ZPBP2: variants seen among roughly 807,000 people sequenced by gnomAD.
ZPBP2 encodes zona pellucida binding protein 2, also known as zona pellucida-binding protein 2.
Under a neutral mutation model 37.5 loss-of-function variants are expected in ZPBP2, and 34 were observed. The ratio of observed to expected loss-of-function variants is 0.91; its 90% CI spans 0.69 to 1.21. The LOEUF is 1.21. Among genes scored for constraint, ZPBP2 ranks in the 50% most tolerant of loss-of-function variants. ZPBP2 has a pLI of 0.00. For missense variants in ZPBP2, 397 were observed against 413.5 expected (o/e 0.96, Z 0.35); for synonymous variants, 143 against 138.4 (o/e 1.03, Z -0.23).
intron 6 of ZPBP2, among the ~76,000 whole-genome samples, chr17:39,874,545 C>T (rs2063380308): frequency 6.6e-6 from 1 of 151,958 alleles, no homozygotes; most frequent in Non-Finnish European, 1.5e-5. Context: ...GATTCTTGTG[C>T]CTCAGCTTCC....
At chr17:39,872,141 CGTT>C (rs1199316195) in intron 4 of ZPBP2, 126 bp from the exon 5 acceptor site, 4 of 633,458 alleles carry the variant, frequency 6.3e-6, no homozygotes, top group Non-Finnish European at 2.6e-6. Flanking sequence ...ACTGATAAAA[CGTT>C]ATGTTTCTAT....
At position 39,868,272 on chromosome 17, in the gene ZPBP2, A is replaced by C; in HGVS notation, c.-83A>C. On this transcript the variant is annotated 5_prime_UTR_variant, in exon 1 of 8. Coordinates refer to ENST00000348931, the MANE Select transcript of ZPBP2 (RefSeq NM_199321.3). Reference sequence around the variant, plus strand: ...CCCGGCGTTCTGCTCCGCACTGTGGAGGAGGTGGGGAGGTGTTGGGCCAGG... The same window carrying C: ...CCCGGCGTTCTGCTCCGCACTGTGGCGGAGGTGGGGAGGTGTTGGGCCAGG... 6.7e-7 allele frequency: 1 copy of C among 1,502,704 alleles called. No homozygotes were observed. The highest frequency in any genetic ancestry group is 9.1e-7 in the Non-Finnish European group (1 of 1,100,094). 93.1% of individuals were successfully genotyped at this position (1,502,704 alleles called of 1,614,324 possible). A position where few individuals can be genotyped will look rare whatever the true frequency, so the allele number is the denominator to read the frequency against.
rs1032854557 is a variant in ZPBP2 at position 39,876,751 on chromosome 17, C to T, written c.959C>T (p.Thr320Ile). Residue 320 changes from threonine to isoleucine, a missense_variant, in exon 8 of 8, where the codon ACC becomes ATC. Physicochemically the swap from Thr to Ile is moderately conservative, Grantham distance 89. Coordinates refer to ENST00000348931, the MANE Select transcript of ZPBP2 (RefSeq NM_199321.3). ...VTCQTCVSVL[T>I]YGAKSCPQTS... ...TGTCAGACCTGCGTTTCCGTCCTTACCTATGGAGCTAAATCTTGCCCACAA... is the reference window on the plus strand; with the variant it reads ...TGTCAGACCTGCGTTTCCGTCCTTATCTATGGAGCTAAATCTTGCCCACAA... The T allele has an allele frequency of 3.1e-6, 5 of 1,613,786 alleles. No homozygotes were observed. In the African/African-American group the frequency reaches 4.0e-5, roughly 13 times the overall value.
chr17:39,872,959 A>G (rs1598263164), intron 5 of ZPBP2, 85 bp from the exon 6 acceptor site: 2 of 1,200,272 alleles, frequency 1.7e-6, no homozygotes, highest in East Asian at 4.9e-5. Flanking sequence ...CTGCATGCAC[A>G]TGGAATTCAG....
chr17:39,868,499 G>A (rs746181313), intron 1 of ZPBP2, 50 bp from the exon 2 acceptor site: 12 of 1,613,854 alleles, frequency 7.4e-6, no homozygotes, highest in Non-Finnish European at 1.0e-5. Flanking sequence ...GCCCGACTCT[G>A]AACCCTGCTC....
chr17:39,870,454 A>G (rs2063359438), intron 2 of ZPBP2, among the ~76,000 whole-genome samples: 1 of 152,198 alleles, frequency 6.6e-6, no homozygotes, highest in Middle Eastern at 3.2e-3. Context: ...TATTTTTATA[A>G]ACAAAAGTGT....
chr17:39,871,729 C>T, intron 4 of ZPBP2, 104 bp downstream of exon 4: 2 of 893,358 alleles, frequency 2.2e-6, no homozygotes, highest in Admixed American at 5.9e-5. Context: ...GTGACTGTCA[C>T]CAATTATGAC....
At chr17:39,872,617 T>A in intron 5 of ZPBP2, 129 bp downstream of exon 5, 1 of 623,156 alleles carries the variant, frequency 1.6e-6, no homozygotes, top group Non-Finnish European at 2.6e-6. Context: ...CTAAAGTATG[T>A]AGTTGACCTT....
At chr17:39,871,185 A>G (rs767832613) in intron 3 of ZPBP2, among the ~76,000 whole-genome samples, 15 of 152,172 alleles carry the variant, frequency 9.9e-5, no homozygotes, top group Non-Finnish European at 1.6e-4. Flanking sequence ...GAAATTGTAT[A>G]GTAGTACAGA....
intron 5 of ZPBP2, 28 bp from the exon 6 acceptor site, chr17:39,873,016 G>GTGAGTCTA (rs748691181): frequency 3.0e-5 from 48 of 1,602,506 alleles, no homozygotes; most frequent in Non-Finnish European, 4.0e-5. Flanking sequence ...GAATCCCTTT[G>GTGAGTCTA]TGAGTCTATC....
rs1201371477 is a variant in ZPBP2, at chr17:39,873,145, G to T, written c.708+19G>T. 1 of 1,600,218 alleles carries T rather than the reference G, an allele frequency of 6.2e-7. No individual in the cohort carries two copies. The highest frequency in any genetic ancestry group is 1.4e-5 in the African/African-American group (1 of 73,884). ...CCTCCAGGTGAGAATTTCATGGTAA[G>T]GAAGAAGTATTTGTCTTTTTCTTTT... is the stretch of plus-strand genomic sequence containing the variant. On this transcript the variant is annotated intron_variant, in intron 6 of 7. Transcript: ENST00000348931.
chr17:39,876,769 G>C lies in ZPBP2; in HGVS notation c.977G>C (p.Cys326Ser). ...VSVLTYGAKS[C>S]PQTSNKNQQY... Reference sequence around the variant, plus strand: ...GTCCTTACCTATGGAGCTAAATCTTGCCCACAAACTTCAAACAAAAATCAG... The same window carrying C: ...GTCCTTACCTATGGAGCTAAATCTTCCCCACAAACTTCAAACAAAAATCAG... The change falls in exon 8 of 8, where the codon TGC becomes TCC. Residue 326 changes from cysteine to serine, a missense_variant. Transcript: ENST00000348931. The C allele has an allele frequency of 6.2e-7, 1 of 1,613,810 alleles. No individual in the cohort carries two copies. The highest frequency in any genetic ancestry group is 8.5e-7 in the Non-Finnish European group (1 of 1,179,864).
rs763187466 is a variant in ZPBP2, at chr17:39,876,737, C to T, written c.945C>T (p.Cys315=). Residue 315 remains cysteine (C), a synonymous_variant, in exon 8 of 8, where the codon TGC becomes TGT. Coordinates refer to ENST00000348931, the MANE Select transcript of ZPBP2 (RefSeq NM_199321.3). ...SPDVNVTCQT[C]VSVLTYGAKS... ...ATGTTAATGTAACTTGTCAGACCTG[C>T]GTTTCCGTCCTTACCTATGGAGCTA... 24 of 1,613,894 alleles carry T rather than the reference C, an allele frequency of 1.5e-5. 1 individual carries two copies. The South Asian group carries it at 1.8e-4, about 12-fold the overall frequency.
chr17:39,875,892 T>TG (rs2063388205), intron 7 of ZPBP2, among the ~76,000 whole-genome samples: 1 of 103,382 alleles, frequency 9.7e-6, no homozygotes, highest in Non-Finnish European at 2.1e-5. Flanking sequence ...CCTTTTTTTT[T>TG]TTTTTTTTTT....
intron 3 of ZPBP2, 37 bp from the exon 4 acceptor site, chr17:39,871,427 G>T: frequency 6.9e-7 from 1 of 1,441,812 alleles, no homozygotes; most frequent in East Asian, 2.3e-5. Flanking sequence ...TGCTTGATAT[G>T]TTATATGTTA....
chr17:39,869,010 AAATGTCCTTTATCTCTGCAGTG>A (rs1568089526), intron 2 of ZPBP2, among the ~76,000 whole-genome samples: 2 of 152,318 alleles, frequency 1.3e-5, no homozygotes, highest in Non-Finnish European at 1.5e-5. Context: ...GGCTCAGCTC[AAATGTCCTTTATCTCTGCAGTG>A]AAACTTTCCC....
Position 39,868,541 on chromosome 17 carries a change from CT to C in ZPBP2, c.53-7del. 1 of 1,614,150 alleles carries C rather than the reference CT, an allele frequency of 6.2e-7. No individual in the cohort carries two copies. The highest frequency in any genetic ancestry group is 1.1e-5 in the South Asian group (1 of 91,086). On this transcript the variant is annotated splice_region_variant and splice_polypyrimidine_tract_variant and intron_variant, in intron 1 of 7. Transcript: ENST00000348931. ...TAACTAAAAGTCAGTGTTTTATTTCCTCCGCAGTCCAATGCCCGCGTTTTAC... is the reference window on the plus strand; with the variant it reads ...TAACTAAAAGTCAGTGTTTTATTTCCCCGCAGTCCAATGCCCGCGTTTTAC...
In ZPBP2 at chr17:39,868,676, G is replaced by A. The variant is rs79042302; in HGVS notation, c.118+62G>A. On this transcript the variant is annotated intron_variant, in intron 2 of 7. Transcript: ENST00000348931. ...GGGCCGGAACTGCGAAGCTCTTCCCGGAAGAGCTTCCTGGAGAGAAGGGGA... is the reference window on the plus strand; with the variant it reads ...GGGCCGGAACTGCGAAGCTCTTCCCAGAAGAGCTTCCTGGAGAGAAGGGGA... 223 of 1,589,778 alleles carry A rather than the reference G, an allele frequency of 1.4e-4. 3 individuals carry two copies. The African/African-American group carries it at 2.3e-3, about 17-fold the overall frequency.
At chr17:39,872,521 T>C in intron 5 of ZPBP2, 33 bp downstream of exon 5, 1 of 1,396,920 alleles carries the variant, frequency 7.2e-7, no homozygotes, top group Non-Finnish European at 9.7e-7. Flanking sequence ...AATTTTGAAT[T>C]TAGTCCTGAA....
Sources: gnomAD v4.1 joint callset for allele counts (sites outside exome capture counted in the v4.1 genomes callset) on GRCh38, gnomAD v4.1.1 for gene constraint, MANE v1.5 for transcripts, NCBI Gene and HGNC (gene_info 2026-07-23, HGNC 2026-07-21) for gene names.